Variants in DNAL4 observed in about 807,000 individuals in gnomAD.
DNAL4 encodes the protein dynein axonemal light chain 4.
Under a neutral mutation model 12.6 loss-of-function variants are expected in DNAL4, and 10 were observed. The ratio of observed to expected loss-of-function variants is 0.79; its 90% CI spans 0.49 to 1.34. The LOEUF is 1.34. Among genes scored for constraint, DNAL4 ranks in the 40% most tolerant of loss-of-function variants. The probability of loss-of-function intolerance (pLI) is 0.00; values close to 1 mark genes in which losing one functional copy is unlikely to be tolerated. For synonymous variants in DNAL4, 46 were observed against 53.1 expected (o/e 0.87, Z 0.58); for missense variants, 128 against 138.1 (o/e 0.93, Z 0.37).
intron 1 of DNAL4, among the ~76,000 whole-genome samples, chr22:38,784,003 G>A (rs781728532): frequency 4.0e-5 from 6 of 151,572 alleles, no homozygotes; most frequent in Admixed American, 6.6e-5. Flanking sequence ...TGACATAAGC[G>A]GATACAAATC....
At position 38,782,248 on chromosome 22, in the gene DNAL4, G is replaced by A. The variant is rs956417281; in HGVS notation, c.69+415C>T. On this transcript the variant is annotated intron_variant, in intron 2 of 3. Transcript: ENST00000216068. The surrounding 1 kb of genome is among the most constrained non-coding windows in gnomAD (Gnocchi z 5.1). ...CCCGGCTTGGCATGTTCTTCCCCAGGTCTTTGTGAGGTTTGCTCTCTGTCT... is the reference window on the plus strand; with the variant it reads ...CCCGGCTTGGCATGTTCTTCCCCAGATCTTTGTGAGGTTTGCTCTCTGTCT... Among the ~76,000 whole-genome samples the A allele has an allele frequency of 4.6e-5, 7 of 152,254 alleles. No individual in the cohort carries two copies. Among genetic ancestry groups the A allele is most frequent in the African/African-American group, 1.7e-4 (7 of 41,544 alleles).
chr22:38,783,384 A>G (rs1179945803), intron 1 of DNAL4, among the ~76,000 whole-genome samples: 3 of 124,580 alleles, frequency 2.4e-5, no homozygotes, highest in Non-Finnish European at 5.6e-5. Context: ...CCCACTGCAT[A>G]CACGGGCCTT....
At chr22:38,786,692 C>A (rs1037609705) in intron 1 of DNAL4, among the ~76,000 whole-genome samples, 1 of 152,206 alleles carries the variant, frequency 6.6e-6, no homozygotes, top group Non-Finnish European at 1.5e-5. Context: ...AGCCTTATTC[C>A]CTCTCCCACT....
chr22:38,782,925 G>A lies in DNAL4; in HGVS notation c.-139-55C>T, dbSNP rs1161238366. 4 of 506,800 alleles carry A rather than the reference G, an allele frequency of 7.9e-6. No homozygotes were observed. The highest frequency in any genetic ancestry group is 5.8e-5 in the South Asian group (2 of 34,510). 31.4% of individuals were successfully genotyped at this position (506,800 alleles called of 1,614,324 possible). ...AGAGCTGGCTTCAAAACCATACATC[G>A]CAAATTAGAAATGTCTCAGTAACAA... On this transcript the variant is annotated intron_variant, in intron 1 of 3. Transcript: ENST00000216068. This position sits in a 1 kb window ranked among gnomAD's most constrained non-coding sequence, Gnocchi z 5.1.
chr22:38,791,529 T>C (rs756460109), intron 1 of DNAL4, among the ~76,000 whole-genome samples: 6 of 151,346 alleles, frequency 4.0e-5, no homozygotes, highest in Non-Finnish European at 7.4e-5. Flanking sequence ...TATTTTTGTA[T>C]TTTTATATTT....
At chr22:38,780,653 T>C in intron 3 of DNAL4, 1 of 462,494 alleles carries the variant, frequency 2.2e-6, no homozygotes, top group African/African-American at 2.0e-5. Flanking sequence ...AAAGGCACCC[T>C]ATTCAGCAGC....
chr22:38,779,748 C>G lies in DNAL4; in HGVS notation c.154-135G>C. ...CCTGCTGTCCTATTTCTCTTGTCCT[C>G]CTGCTTCAAAAAGGGTTTCCACGCA... On this transcript the variant is annotated intron_variant, in intron 3 of 3. Coordinates refer to ENST00000216068, the MANE Select transcript of DNAL4 (RefSeq NM_005740.3). The surrounding 1 kb of genome is among the most constrained non-coding windows in gnomAD (Gnocchi z 4.3). The G allele has an allele frequency of 8.3e-7, 1 of 1,211,040 alleles. No individual in the cohort carries two copies. Among genetic ancestry groups the G allele is most frequent in the Non-Finnish European group, 1.1e-6 (1 of 888,420 alleles). 75.0% of individuals were successfully genotyped at this position (1,211,040 alleles called of 1,614,324 possible).
At position 38,778,812 on chromosome 22, in the gene DNAL4, C is replaced by A. The variant is rs540431807; in HGVS notation, c.*637G>T. The A allele has an allele frequency of 7.2e-5, 11 of 152,670 alleles. No homozygotes were observed. The South Asian group carries it at 1.5e-3, about 20-fold the overall frequency. The allele number at this position is 152,670 out of a possible 1,614,324, so 9.5% of individuals were successfully genotyped here. On this transcript the variant is annotated 3_prime_UTR_variant, in exon 4 of 4. Coordinates refer to ENST00000216068, the MANE Select transcript of DNAL4 (RefSeq NM_005740.3). ...CCACACACCAGCCCCTGGCTCTCAA[C>A]TGTACGGGTCGAGGAGGGGACGGGA...
At chr22:38,784,975 A>AC (rs34429714) in intron 1 of DNAL4, among the ~76,000 whole-genome samples, 17,645 of 112,250 alleles carry the variant, frequency 0.16, 1,375 homozygotes, top group South Asian at 0.21. Context: ...CCTGGCACAG[A>AC]CCCCCCCCCC....
intron 1 of DNAL4, among the ~76,000 whole-genome samples, chr22:38,784,977 C>T (rs1034386882): frequency 2.7e-5 from 3 of 111,944 alleles, no homozygotes; most frequent in African/African-American, 1.8e-4. Flanking sequence ...TGGCACAGAC[C>T]CCCCCCCCCA....
At chr22:38,784,788 C>T (rs984314883) in intron 1 of DNAL4, among the ~76,000 whole-genome samples, 1 of 152,200 alleles carries the variant, frequency 6.6e-6, no homozygotes, top group Non-Finnish European at 1.5e-5. Context: ...GCTGGGATTA[C>T]AGGCGTGAGC....
At chr22:38,786,556 C>T (rs748821657) in intron 1 of DNAL4, among the ~76,000 whole-genome samples, 1 of 151,950 alleles carries the variant, frequency 6.6e-6, no homozygotes, top group African/African-American at 2.4e-5. Flanking sequence ...GAGACTCAGT[C>T]TCAAAACAAA....
chr22:38,787,217 TC>T (rs1278515169), intron 1 of DNAL4, among the ~76,000 whole-genome samples: 1 of 151,858 alleles, frequency 6.6e-6, no homozygotes, highest in Non-Finnish European at 1.5e-5. Flanking sequence ...GCCTCAGTTT[TC>T]TTTTCTTTTC....
intron 1 of DNAL4, among the ~76,000 whole-genome samples, chr22:38,791,153 C>A (rs116452445): frequency 6.8e-6 from 1 of 146,720 alleles, no homozygotes; most frequent in Non-Finnish European, 1.5e-5. Context: ...GGCAGCAGAG[C>A]GAGTCTCCAC....
chr22:38,781,289 C>T (rs970123887), intron 2 of DNAL4, among the ~76,000 whole-genome samples: 8 of 152,360 alleles, frequency 5.3e-5, no homozygotes, highest in African/African-American at 1.2e-4. Flanking sequence ...CGGCTGAGGG[C>T]GGAGGGAATG....
chr22:38,779,315 G>A lies in DNAL4; in HGVS notation c.*134C>T. 1 of 1,218,656 alleles carries A rather than the reference G, an allele frequency of 8.2e-7. No individual in the cohort carries two copies. Among genetic ancestry groups the A allele is most frequent in the Non-Finnish European group, 1.1e-6 (1 of 904,606 alleles). The allele number at this position is 1,218,656 out of a possible 1,614,324, so 75.5% of individuals were successfully genotyped here. ...AGTTCACACACTGGGCGTGGCTCAG[G>A]AAACTGGTACACAAAGACAAAAAGA... On this transcript the variant is annotated 3_prime_UTR_variant, in exon 4 of 4. Transcript: ENST00000216068. The surrounding 1 kb of genome is among the most constrained non-coding windows in gnomAD (Gnocchi z 4.3).
rs750631762 is a variant in DNAL4, at chr22:38,780,972, A to G, written c.107T>C (p.Met36Thr). 1.2e-6 allele frequency: 2 copies of G among 1,614,206 alleles called. No homozygotes were observed. Among genetic ancestry groups the G allele is most frequent in the Non-Finnish European group, 1.7e-6 (2 of 1,180,018 alleles). The change falls in exon 3 of 4, where the codon ATG (methionine) becomes ACG (threonine). Residue 36 changes from methionine to threonine, a missense_variant. By Grantham distance (81) the Met-to-Thr change is moderately conservative. Transcript: ENST00000216068. ...DMPEEMRVETMELCVTACEKF... is the reference protein window; with the variant it reads ...DMPEEMRVETTELCVTACEKF... Reference sequence around the variant, plus strand: ...CTCACAGGCTGTGACACATAGCTCCATGGTCTCCACGCGCATCTCCTCTGG... The same window carrying G: ...CTCACAGGCTGTGACACATAGCTCCGTGGTCTCCACGCGCATCTCCTCTGG...
Position 38,782,994 on chromosome 22 carries a change from T to C in DNAL4, c.-139-124A>G. On this transcript the variant is annotated intron_variant, in intron 1 of 3. Coordinates refer to ENST00000216068, the MANE Select transcript of DNAL4 (RefSeq NM_005740.3). The surrounding 1 kb of genome is among the most constrained non-coding windows in gnomAD (Gnocchi z 5.1). ...TAACTCCTCCGCACCCTTTTCCAAA[T>C]GGCCAGCAAGTCTGCAGACGGCAGG... 1 of 349,706 alleles carries C rather than the reference T, an allele frequency of 2.9e-6. No individual in the cohort carries two copies. The highest frequency in any genetic ancestry group is 4.0e-5 in the South Asian group (1 of 24,932). The allele number at this position is 349,706 out of a possible 1,614,324, so 21.7% of individuals were successfully genotyped here.
At chr22:38,780,172 G>A (rs1339220590) in intron 3 of DNAL4, among the ~76,000 whole-genome samples, 2 of 152,308 alleles carry the variant, frequency 1.3e-5, no homozygotes, top group East Asian at 3.9e-4. Context: ...TCGGCAGGGC[G>A]AGTCCAGGTG....
Sources: allele counts gnomAD v4.1 joint callset (sites outside exome capture counted in the v4.1 genomes callset), GRCh38; gene constraint gnomAD v4.1.1; non-coding constraint Gnocchi (gnomAD v3.1); transcripts MANE v1.5; gene names NCBI Gene and HGNC (gene_info 2026-07-23, HGNC 2026-07-21).